The following PDE10A variants were observed in gnomAD, a reference collection of about 807,000 sequenced individuals.
The protein encoded by PDE10A is cAMP and cAMP-inhibited cGMP 3',5'-cyclic phosphodiesterase 10A.
PDE10A carries 39 observed loss-of-function variants against 97.7 expected under a neutral mutation model. The observed-to-expected ratio is 0.40, with a 90% CI of 0.31 to 0.52. The LOEUF (loss-of-function observed/expected upper bound fraction) is 0.52. PDE10A is among the 20% of genes least tolerant of loss of function. The pLI, the probability that PDE10A is intolerant of heterozygous loss-of-function variation, is 0.56. For synonymous variants in PDE10A, 371 were observed against 376.8 expected, an observed-to-expected ratio of 0.98 and a Z score of 0.18; for missense variants, 731 against 1,047.8, an observed-to-expected ratio of 0.70 and a Z score of 4.17.
intron 1 of PDE10A, among the ~76,000 whole-genome samples, chr6:165,705,154 G>A (rs1791676497): frequency 6.6e-6 from 1 of 152,240 alleles, no homozygotes. Context: ...ATGGGGCAGG[G>A]CTCACTGTAC....
chr6:165,830,291 C>T (rs1779873895), intron 1 of PDE10A, among the ~76,000 whole-genome samples: 1 of 152,234 alleles, frequency 6.6e-6, no homozygotes, highest in Non-Finnish European at 1.5e-5. Flanking sequence ...CGCTCAGCTA[C>T]CACCCACCGC....
intron 1 of PDE10A, among the ~76,000 whole-genome samples, chr6:165,954,351 A>G (rs148852104): frequency 3.3e-5 from 5 of 152,368 alleles, no homozygotes; most frequent in Admixed American, 1.3e-4. Context: ...AGACCTGAAT[A>G]TAAACGTGGT....
At chr6:165,423,187 C>T (rs769386826) in intron 10 of PDE10A, among the ~76,000 whole-genome samples, 2 of 152,122 alleles carry the variant, frequency 1.3e-5, no homozygotes, top group African/African-American at 2.4e-5. Flanking sequence ...CCCCCATGTC[C>T]GCTAATTATA....
intron 10 of PDE10A, among the ~76,000 whole-genome samples, chr6:165,426,211 T>A (rs968785978): frequency 5.9e-5 from 9 of 152,182 alleles, no homozygotes; most frequent in African/African-American, 2.2e-4. Context: ...AAAATTTAAA[T>A]GTATTTGTTA....
chr6:165,861,699 G>C (rs1331546792), intron 1 of PDE10A, among the ~76,000 whole-genome samples: 1 of 152,040 alleles, frequency 6.6e-6, no homozygotes, highest in Non-Finnish European at 1.5e-5. Flanking sequence ...TCCAGGCAAG[G>C]GAAGGGAGTG....
intron 20 of PDE10A, among the ~76,000 whole-genome samples, chr6:165,337,766 T>A (rs761629235): frequency 1.3e-5 from 2 of 152,228 alleles, no homozygotes; most frequent in East Asian, 3.9e-4. Flanking sequence ...AAAACCCATA[T>A]GCTGACAGCA....
intron 6 of PDE10A, among the ~76,000 whole-genome samples, chr6:165,433,337 ATTTC>A (rs1463972817): frequency 3.9e-5 from 6 of 152,194 alleles, no homozygotes; most frequent in African/African-American, 1.4e-4. Context: ...CTGCTTTAAT[ATTTC>A]TTTATCCTTA....
Position 165,548,130 on chromosome 6 carries a change from C to T in PDE10A, c.866-4562G>A, listed in dbSNP as rs112606449. ...ACTCTCCTCTCATATAATTTCAAAG[C>T]AAATCCAAGAAATTATTTTAATATA... On this transcript the variant is annotated intron_variant, in intron 1 of 21. Coordinates refer to ENST00000539869, the MANE Select transcript of PDE10A (RefSeq NM_001385079.1). Among the ~76,000 whole-genome samples, 765 of 152,122 alleles carry T rather than the reference C, an allele frequency of 5.0e-3. 8 individuals are homozygous for T. Among genetic ancestry groups the T allele is most frequent in the African/African-American group, 0.018 (736 of 41,544 alleles).
At position 165,702,742 on chromosome 6, in the gene PDE10A, G is replaced by T. The variant is rs562175044; in HGVS notation, c.-614-159174C>A. 6.6e-5 allele frequency among the ~76,000 whole-genome samples: 10 copies of T among 152,252 alleles called. No homozygotes were observed. The South Asian group carries it at 2.1e-3, about 32-fold the overall frequency. ...GCCAGCCCATCTGTCGCCCCTCCAG[G>T]TGACCAGAGTCTTCACCTCTTCCGA... is the stretch of plus-strand genomic sequence containing the variant. On this transcript the variant is annotated intron_variant, in intron 1 of 19. Coordinates refer to the PDE10A transcript ENST00000366882.
Position 165,916,684 on chromosome 6 carries a change from A to G in PDE10A, c.-615+70845T>C, listed in dbSNP as rs1782613736. On this transcript the variant is annotated intron_variant, in intron 1 of 19. Transcript: ENST00000366882. ...ATTTATTGATTGATTGTGCTGCTGC[A>G]TGGCTCTGGGTCAAAAGATTGTAAA... 2.0e-5 allele frequency among the ~76,000 whole-genome samples: 3 copies of G among 152,358 alleles called. No individual in the cohort carries two copies. The South Asian group carries it at 6.2e-4, about 32-fold the overall frequency.
chr6:165,892,658 C>T (rs1047127673), intron 1 of PDE10A, among the ~76,000 whole-genome samples: 4 of 152,184 alleles, frequency 2.6e-5, no homozygotes, highest in Admixed American at 6.5e-5. Flanking sequence ...TGTGAGTGGC[C>T]GTGTCTCCCT....
At chr6:165,546,554 C>G (rs1244016090) in intron 1 of PDE10A, among the ~76,000 whole-genome samples, 1 of 152,034 alleles carries the variant, frequency 6.6e-6, no homozygotes, top group African/African-American at 2.4e-5. Context: ...GGATAAGGTG[C>G]TAACCTATAG....
At chr6:165,773,202 G>A (rs1352080514) in intron 1 of PDE10A, 1 of 152,162 alleles carries the variant, frequency 6.6e-6, no homozygotes, top group African/African-American at 2.4e-5. Context: ...TCTTGTCAGT[G>A]TCATTTCTCT....
intron 11 of PDE10A, among the ~76,000 whole-genome samples, chr6:165,416,525 A>G (rs1788326150): frequency 6.6e-6 from 1 of 152,346 alleles, no homozygotes; most frequent in African/African-American, 2.4e-5. Context: ...CAAACAATCA[A>G]CTAGTATCCT....
intron 1 of PDE10A, among the ~76,000 whole-genome samples, chr6:165,755,462 G>C (rs1429994809): frequency 6.6e-6 from 1 of 152,184 alleles, no homozygotes; most frequent in African/African-American, 2.4e-5. Flanking sequence ...CCCTGTCCCT[G>C]TCGTTCTGTC....
intron 1 of PDE10A, among the ~76,000 whole-genome samples, chr6:165,957,284 C>A (rs1199068481): frequency 6.6e-6 from 1 of 152,132 alleles, no homozygotes; most frequent in East Asian, 1.9e-4. Context: ...AGTTTGAGAC[C>A]AGCCTGGGCA....
intron 1 of PDE10A, among the ~76,000 whole-genome samples, chr6:165,866,098 G>C (rs1562773753): frequency 1.3e-5 from 2 of 151,972 alleles, no homozygotes; most frequent in Non-Finnish European, 2.9e-5. Context: ...CACCACAAAT[G>C]TAAGTGGTTT....
chr6:165,555,918 C>T (rs1562577049), intron 1 of PDE10A, among the ~76,000 whole-genome samples: 1 of 152,124 alleles, frequency 6.6e-6, no homozygotes, highest in Non-Finnish European at 1.5e-5. Flanking sequence ...GTTTGAATTG[C>T]ACTGCTCCTA....
At chr6:165,946,753 T>A (rs908796173) in intron 1 of PDE10A, 1 of 152,168 alleles carries the variant, frequency 6.6e-6, no homozygotes, top group Non-Finnish European at 1.5e-5. Flanking sequence ...CTACATGACC[T>A]TCACATGATC....
Sources: gnomAD v4.1 joint callset for allele counts (sites outside exome capture counted in the v4.1 genomes callset) on GRCh38, gnomAD v4.1.1 for gene constraint, MANE v1.5 for transcripts, NCBI Gene and HGNC (gene_info 2026-07-23, HGNC 2026-07-21) for gene names.